PCDHGB1: variants seen among roughly 807,000 people sequenced by gnomAD.
PCDHGB1 encodes protocadherin gamma subfamily B, 1.
In PCDHGB1, 34 loss-of-function variants were observed where a neutral mutation model predicts 56.6. The ratio of observed to expected loss-of-function variants is 0.60; its 90% confidence interval spans 0.46 to 0.80. The LOEUF is 0.80. Among genes scored for constraint, PCDHGB1 ranks in the 30% least tolerant of loss-of-function variants. The pLI is 0.00. For missense variants in PCDHGB1, 1,278 were observed against 1,204.6 expected (o/e 1.06, Z -0.90); for synonymous variants, 561 against 505.9 (o/e 1.11, Z -1.46).
At chr5:141,415,702 GC>G (rs754496290) in intron 1 of PCDHGB1, 1 of 1,403,056 alleles carries the variant, frequency 7.1e-7, no homozygotes, top group South Asian at 1.3e-5. Context: ...AAGTGTAAAT[GC>G]TAAAACACTG....
chr5:141,404,610 T>C lies in PCDHGB1; in HGVS notation c.2409+51941T>C, dbSNP rs1207198913. ...AATGTGTCATTGAGACTGTTTGTTTTGGACCAGAATGACAATGCCCCAGAA... is the reference window on the plus strand; with the variant it reads ...AATGTGTCATTGAGACTGTTTGTTTCGGACCAGAATGACAATGCCCCAGAA... On this transcript the variant is annotated intron_variant, in intron 1 of 3. Transcript: ENST00000523390. 1 of 1,614,130 alleles carries C rather than the reference T, an allele frequency of 6.2e-7. No homozygotes were observed. Among genetic ancestry groups the C allele is most frequent in the African/African-American group, 1.3e-5 (1 of 75,054 alleles).
chr5:141,478,624 T>C (rs1300260980), intron 1 of PCDHGB1: 3 of 1,554,196 alleles, frequency 1.9e-6, no homozygotes, highest in Non-Finnish European at 2.6e-6. Context: ...AATGGAGCTG[T>C]TTTTTTAGTG....
chr5:141,401,506 C>A (rs2094161695), intron 1 of PCDHGB1, among the ~76,000 whole-genome samples: 1 of 152,126 alleles, frequency 6.6e-6, no homozygotes, highest in Non-Finnish European at 1.5e-5. Flanking sequence ...CCTTTTCCAC[C>A]TCTATATAAT....
At chr5:141,405,096 G>A (rs2094608531) in intron 1 of PCDHGB1, 6 of 1,613,808 alleles carry the variant, frequency 3.7e-6, no homozygotes, top group Admixed American at 1.7e-5. Flanking sequence ...CTGGCCCTCA[G>A]GCTGAGGCAC....
chr5:141,478,435 G>A, intron 1 of PCDHGB1: 1 of 1,613,736 alleles, frequency 6.2e-7, no homozygotes, highest in Non-Finnish European at 8.5e-7. Context: ...ACCCGCTGCT[G>A]AAGAAACCTG....
intron 1 of PCDHGB1, among the ~76,000 whole-genome samples, chr5:141,480,106 A>C (rs1466691134): frequency 6.6e-6 from 1 of 152,196 alleles, no homozygotes; most frequent in Non-Finnish European, 1.5e-5. Context: ...AGTGTTTAGC[A>C]TGGTGCCTGG....
chr5:141,435,026 C>A (rs977017371), intron 1 of PCDHGB1, among the ~76,000 whole-genome samples: 4 of 151,978 alleles, frequency 2.6e-5, no homozygotes, highest in Non-Finnish European at 5.9e-5. Context: ...GCTCTTTTCC[C>A]ACTTTTATTT....
At chr5:141,381,244 C>T (rs554184818) in intron 1 of PCDHGB1, among the ~76,000 whole-genome samples, 2 of 152,360 alleles carry the variant, frequency 1.3e-5, no homozygotes, top group African/African-American at 4.8e-5. Flanking sequence ...TCTCCAGGAC[C>T]TAGAAGAATT....
Position 141,489,576 on chromosome 5 carries a change from C to G in PCDHGB1, c.2410-5231C>G. 6.2e-7 allele frequency: 1 copy of G among 1,614,054 alleles called. No individual in the cohort carries two copies. Among genetic ancestry groups the G allele is most frequent in the Non-Finnish European group, 8.5e-7 (1 of 1,179,976 alleles). On this transcript the variant is annotated intron_variant, in intron 1 of 3. Coordinates refer to ENST00000523390, the MANE Select transcript of PCDHGB1 (RefSeq NM_018922.3). This position sits in a 1 kb window ranked among gnomAD's most constrained non-coding sequence, Gnocchi z 4.5. ...TGCCAGTGCAGGTGGTGACTGAACA[C>G]CCCCTGGAGCTAATCCGTGTAGAGG...
chr5:141,464,676 T>C (rs1337677151), intron 1 of PCDHGB1, among the ~76,000 whole-genome samples: 3 of 152,176 alleles, frequency 2.0e-5, no homozygotes, highest in Non-Finnish European at 2.9e-5. Context: ...ATAATTTTAA[T>C]TAAAATTTCT....
chr5:141,498,306 A>C (rs2099783027), intron 2 of PCDHGB1, among the ~76,000 whole-genome samples: 1 of 151,810 alleles, frequency 6.6e-6, no homozygotes, highest in African/African-American at 2.4e-5. Flanking sequence ...TCTGGGTCAC[A>C]CTGCCTACAC....
At chr5:141,411,982 A>T (rs2154543855) in intron 1 of PCDHGB1, 1 of 152,346 alleles carries the variant, frequency 6.6e-6, no homozygotes, top group East Asian at 1.9e-4. Context: ...AGAGTTCTAT[A>T]CTTGGAAGGC....
chr5:141,412,931 T>C (rs1010992022), intron 1 of PCDHGB1: 5 of 453,108 alleles, frequency 1.1e-5, no homozygotes, highest in African/African-American at 2.0e-5. Flanking sequence ...CAGTAACTTC[T>C]TAGGACTCTG....
In PCDHGB1 at chr5:141,476,132, T is replaced by C. The variant is rs751708569; in HGVS notation, c.2410-18675T>C. 2 of 1,607,820 alleles carry C rather than the reference T, an allele frequency of 1.2e-6. No homozygotes were observed. The highest frequency in any genetic ancestry group is 1.1e-5 in the South Asian group (1 of 90,582). On this transcript the variant is annotated intron_variant, in intron 1 of 3. Coordinates refer to ENST00000523390, the MANE Select transcript of PCDHGB1 (RefSeq NM_018922.3). The surrounding 1 kb of genome is among the most constrained non-coding windows in gnomAD (Gnocchi z 7.6). ...TTTGAGTGAGATGGTCCCAGAGGCC[T>C]GGAGGAGCGGACTGGTAAGCACCGG...
At chr5:141,365,068 G>C in intron 1 of PCDHGB1, 1 of 1,613,812 alleles carries the variant, frequency 6.2e-7, no homozygotes, top group South Asian at 1.1e-5. Flanking sequence ...CCCCATCCGA[G>C]TACAGCGTGA....
intron 1 of PCDHGB1, chr5:141,400,348 C>T (rs745917638): frequency 1.9e-6 from 3 of 1,614,050 alleles, no homozygotes; most frequent in South Asian, 1.1e-5. Context: ...CAACTACAGT[C>T]AGGGGACTTT....
In PCDHGB1 at chr5:141,351,925, G is replaced by A. The variant is rs763243982; in HGVS notation, c.1665G>A (p.Ala555=). 1 of 1,613,190 alleles carries A rather than the reference G, an allele frequency of 6.2e-7. No individual in the cohort carries two copies. The highest frequency in any genetic ancestry group is 1.3e-5 in the African/African-American group (1 of 74,934). The change falls in exon 1 of 4, where the codon GCG becomes GCA. Residue 555 remains alanine, a synonymous_variant. Transcript: ENST00000523390. ...RVLVGDLNDN[A]PRVLYPALGP... The stretch of plus-strand genomic sequence containing the variant: ...TGGTGGGCGACCTCAATGACAATGC[G>A]CCACGGGTGCTGTACCCCGCGCTGG...
At chr5:141,422,144 G>T in intron 1 of PCDHGB1, 1 of 1,583,520 alleles carries the variant, frequency 6.3e-7, no homozygotes, top group Non-Finnish European at 8.5e-7. Context: ...CAAGTACGGG[G>T]GTCTCTGGAT....
intron 1 of PCDHGB1, chr5:141,374,142 TG>T (rs1770186580): frequency 6.2e-7 from 1 of 1,610,196 alleles, no homozygotes; most frequent in Non-Finnish European, 8.5e-7. Flanking sequence ...CTCACGCTCC[TG>T]GGGACGCTGT....
Sources: allele counts gnomAD v4.1 joint callset (sites outside exome capture counted in the v4.1 genomes callset), GRCh38; gene constraint gnomAD v4.1.1; non-coding constraint Gnocchi (gnomAD v3.1); transcripts MANE v1.5; gene names NCBI Gene and HGNC (gene_info 2026-07-23, HGNC 2026-07-21).